Variants in PKP4 observed in about 807,000 individuals in gnomAD.
PKP4 encodes plakophilin 4.
In PKP4, 90 loss-of-function variants were observed where a neutral mutation model predicts 145.1. The observed-to-expected ratio is 0.62, with a 90% confidence interval of 0.52 to 0.74. The LOEUF (loss-of-function observed/expected upper bound fraction) is 0.74. Among genes scored for constraint, PKP4 ranks in the 30% least tolerant of loss-of-function variants. The pLI, the probability that PKP4 is intolerant of heterozygous loss-of-function variation, is 0.00. For synonymous variants in PKP4, 563 were observed against 577.2 expected (o/e 0.98, Z 0.35); for missense variants, 1,340 against 1,482.7 (o/e 0.90, Z 1.58).
chr2:158,533,562 G>A (rs1198217778), intron 2 of PKP4: 2 of 574,984 alleles, frequency 3.5e-6, no homozygotes, highest in Non-Finnish European at 6.7e-6. Context: ...GGTGATCGGT[G>A]TCTCTGTCTC....
chr2:158,663,511 T>C (rs1214821717), intron 15 of PKP4, 66 bp downstream of exon 15: 2 of 1,366,720 alleles, frequency 1.5e-6, no homozygotes, highest in Non-Finnish European at 2.1e-6. Context: ...ATGTTATATA[T>C]ATATGTTCTG....
rs561634447 is a variant in PKP4 at position 158,601,978 on chromosome 2, A to C, written c.246-1092A>C. ...CAGAGTCACACTCCTTTTTCTATAA[A>C]TTTAATAAGCACTCAAAAAAATACC... On this transcript the variant is annotated intron_variant, in intron 3 of 21. Coordinates refer to ENST00000389759, the MANE Select transcript of PKP4 (RefSeq NM_003628.6). Among the ~76,000 whole-genome samples, 24 of 152,312 alleles carry C rather than the reference A, an allele frequency of 1.6e-4. No homozygotes were observed. The South Asian group carries it at 5.0e-3, about 32-fold the overall frequency.
At chr2:158,533,849 T>A (rs2043802065) in intron 2 of PKP4, among the ~76,000 whole-genome samples, 1 of 152,234 alleles carries the variant, frequency 6.6e-6, no homozygotes, top group Non-Finnish European at 1.5e-5. Context: ...TTATGTTGAT[T>A]TTTTTAAGGC....
intron 1 of PKP4, among the ~76,000 whole-genome samples, chr2:158,522,923 C>T (rs1044812102): frequency 2.6e-5 from 4 of 152,180 alleles, no homozygotes; most frequent in Admixed American, 1.3e-4. Context: ...CTTTTCAGAC[C>T]GGCTTAAAAA....
chr2:158,624,944 T>A lies in PKP4; in HGVS notation c.670T>A (p.Tyr224Asn). The change falls in exon 7 of 22, where the codon TAT becomes AAT. Residue 224 changes from tyrosine to asparagine, a missense_variant. Coordinates refer to ENST00000389759, the MANE Select transcript of PKP4 (RefSeq NM_003628.6). ...SVPSRAQSPSYVISTGVSPSR... is the reference protein window; with the variant it reads ...SVPSRAQSPSNVISTGVSPSR... ...TCCATCTAGAGCACAGTCTCCTTCT[T>A]ATGTTATCAGCACAGGCGTGTCTCC... 6.2e-7 allele frequency: 1 copy of A among 1,614,022 alleles called. No individual in the cohort carries two copies. Among genetic ancestry groups the A allele is most frequent in the Non-Finnish European group, 8.5e-7 (1 of 1,179,944 alleles).
At chr2:158,654,915 T>A (rs934015220) in intron 11 of PKP4, among the ~76,000 whole-genome samples, 1 of 152,186 alleles carries the variant, frequency 6.6e-6, no homozygotes, top group Non-Finnish European at 1.5e-5. Flanking sequence ...AACATATATA[T>A]AAAAGGATGG....
intron 4 of PKP4, 137 bp downstream of exon 4, chr2:158,603,241 A>G: frequency 2.2e-6 from 1 of 448,722 alleles, no homozygotes; most frequent in Non-Finnish European, 4.1e-6. Flanking sequence ...TTGCTTTGGA[A>G]TAGTACTTAA....
At chr2:158,626,242 T>C (rs1029734231) in intron 7 of PKP4, among the ~76,000 whole-genome samples, 1 of 152,252 alleles carries the variant, frequency 6.6e-6, no homozygotes, top group Non-Finnish European at 1.5e-5. Flanking sequence ...TACAAATATA[T>C]GCAATCCATG....
chr2:158,510,758 G>C (rs1246126660), intron 1 of PKP4, among the ~76,000 whole-genome samples: 1 of 152,202 alleles, frequency 6.6e-6, no homozygotes, highest in Non-Finnish European at 1.5e-5. Flanking sequence ...GCTGATGGAA[G>C]GCATGAGAAT....
chr2:158,676,892 TAC>T, intron 20 of PKP4, 25 bp downstream of exon 20: 1 of 1,613,950 alleles, frequency 6.2e-7, no homozygotes, highest in South Asian at 1.1e-5. Context: ...GGGTGTGTGA[TAC>T]AGTCTCTTGA....
At chr2:158,672,760 C>G (rs2528592) in intron 17 of PKP4, among the ~76,000 whole-genome samples, 68,639 of 152,080 alleles carry the variant, frequency 0.45, 16,648 homozygotes, top group South Asian at 0.65. Flanking sequence ...CATTAGCAAC[C>G]CATGTTCTGT....
At chr2:158,658,394 C>A in intron 12 of PKP4, 80 bp downstream of exon 12, 1 of 833,782 alleles carries the variant, frequency 1.2e-6, no homozygotes, top group Non-Finnish European at 1.9e-6. Context: ...GGAGGACTTA[C>A]TTTATTAACA....
intron 2 of PKP4, among the ~76,000 whole-genome samples, chr2:158,537,590 T>C (rs528323426): frequency 6.6e-6 from 1 of 152,364 alleles, no homozygotes; most frequent in South Asian, 2.1e-4. Context: ...CAGATTCTAC[T>C]GTTCAGCTCA....
At chr2:158,653,704 C>T (rs957422444) in intron 11 of PKP4, among the ~76,000 whole-genome samples, 1 of 152,196 alleles carries the variant, frequency 6.6e-6, no homozygotes, top group Non-Finnish European at 1.5e-5. Context: ...TTTTAACTTT[C>T]CCTTTGAGAA....
intron 1 of PKP4, among the ~76,000 whole-genome samples, chr2:158,487,539 G>T (rs1287949250): frequency 6.6e-6 from 1 of 152,174 alleles, no homozygotes; most frequent in Non-Finnish European, 1.5e-5. Context: ...GGTGTCATAT[G>T]CATAAAGTAC....
At chr2:158,513,098 T>C (rs1330222657) in intron 1 of PKP4, among the ~76,000 whole-genome samples, 1 of 152,218 alleles carries the variant, frequency 6.6e-6, no homozygotes, top group Non-Finnish European at 1.5e-5. Context: ...CTAACTATCC[T>C]CTTCTCTAAT....
rs568253229 is a variant in PKP4 at position 158,522,004 on chromosome 2, T to C, written c.-5-11176T>C. Among the ~76,000 whole-genome samples, 16 of 152,330 alleles carry C rather than the reference T, an allele frequency of 1.1e-4. 1 individual carries two copies. The highest frequency in any genetic ancestry group is 1.0e-3 in the Admixed American group (16 of 15,308). Reference sequence around the variant, plus strand: ...TCTTAGGCATCATTATTTTGTCATATCAGTTTTGAAATTGTGTTTCTCATC... The same window carrying C: ...TCTTAGGCATCATTATTTTGTCATACCAGTTTTGAAATTGTGTTTCTCATC... On this transcript the variant is annotated intron_variant, in intron 1 of 21. Transcript: ENST00000389759.
intron 2 of PKP4, among the ~76,000 whole-genome samples, chr2:158,568,070 C>T (rs1199982967): frequency 2.6e-5 from 4 of 152,196 alleles, no homozygotes; most frequent in East Asian, 1.9e-4. Flanking sequence ...CATGGTGGCT[C>T]ACATCTGTAA....
At chr2:158,586,029 G>A (rs6717979) in intron 3 of PKP4, among the ~76,000 whole-genome samples, 30,312 of 151,868 alleles carry the variant, frequency 0.2, 3,894 homozygotes, top group Middle Eastern at 0.36. Context: ...ACAATTTGTG[G>A]TCTTTTGTGT....
Sources: allele counts gnomAD v4.1 joint callset (sites outside exome capture counted in the v4.1 genomes callset), GRCh38; gene constraint gnomAD v4.1.1; transcripts MANE v1.5; gene names NCBI Gene and HGNC (gene_info 2026-07-23, HGNC 2026-07-21).